PCCA: variants seen among roughly 807,000 people sequenced by gnomAD.
PCCA encodes propionyl-CoA carboxylase subunit alpha.
In PCCA, 74 loss-of-function variants were observed where a neutral mutation model predicts 101.3. The ratio of observed to expected loss-of-function variants is 0.73; its 90% CI spans 0.61 to 0.89. The LOEUF is 0.89. Among genes scored for constraint, PCCA ranks in the 40% least tolerant of loss-of-function variants. The pLI, the probability that PCCA is intolerant of heterozygous loss-of-function variation, is 0.00. For missense variants in PCCA, 891 were observed against 907.0 expected (o/e 0.98, Z 0.23); for synonymous variants, 294 against 313.6 (o/e 0.94, Z 0.66).
At chr13:100,269,296 G>T (rs758975108) in intron 11 of PCCA, among the ~76,000 whole-genome samples, 3 of 152,210 alleles carry the variant, frequency 2.0e-5, no homozygotes, top group South Asian at 2.1e-4. Context: ...ACTTGAAAAA[G>T]AAGTGGGTTT....
intron 6 of PCCA, among the ~76,000 whole-genome samples, chr13:100,168,879 A>G (rs931958360): frequency 6.6e-6 from 1 of 152,224 alleles, no homozygotes; most frequent in Non-Finnish European, 1.5e-5. Context: ...TCATTGTGTG[A>G]AATAAGCCTT....
At chr13:100,315,743 T>C (rs1436650535) in intron 16 of PCCA, among the ~76,000 whole-genome samples, 1 of 152,152 alleles carries the variant, frequency 6.6e-6, no homozygotes, top group Non-Finnish European at 1.5e-5. Context: ...TGTGGCCTGG[T>C]GGTGATTTCC....
intron 19 of PCCA, among the ~76,000 whole-genome samples, chr13:100,417,294 C>A (rs2078439248): frequency 6.6e-6 from 1 of 152,098 alleles, no homozygotes; most frequent in Non-Finnish European, 1.5e-5. Context: ...ATTTATAATG[C>A]CAATAGTTTA....
intron 22 of PCCA, 139 bp from the exon 23 acceptor site, chr13:100,527,536 G>A: frequency 2.8e-6 from 2 of 705,442 alleles, no homozygotes; most frequent in Admixed American, 2.0e-5. Flanking sequence ...CTTGGAATAG[G>A]AAACATTAGA....
chr13:100,478,178 C>A (rs2083572538), intron 21 of PCCA, among the ~76,000 whole-genome samples: 2 of 152,060 alleles, frequency 1.3e-5, no homozygotes, highest in South Asian at 4.1e-4. Flanking sequence ...GATTTTTTTT[C>A]CCCTTGATCC....
At chr13:100,444,351 C>A (rs2080607514) in intron 20 of PCCA, among the ~76,000 whole-genome samples, 1 of 151,030 alleles carries the variant, frequency 6.6e-6, no homozygotes, top group Non-Finnish European at 1.5e-5. Context: ...ATTACAGGTG[C>A]CACCACCACG....
chr13:100,243,253 T>G (rs1252764098), intron 8 of PCCA, among the ~76,000 whole-genome samples: 1 of 152,234 alleles, frequency 6.6e-6, no homozygotes, highest in African/African-American at 2.4e-5. Flanking sequence ...TTTCTAATAC[T>G]TAATGCTTGT....
At chr13:100,358,040 G>C (rs2074136736) in intron 18 of PCCA, among the ~76,000 whole-genome samples, 2 of 152,182 alleles carry the variant, frequency 1.3e-5, no homozygotes, top group African/African-American at 4.8e-5. Flanking sequence ...GTTGGAATCT[G>C]AATCTCATCA....
At chr13:100,101,542 C>G (rs7317761) in intron 1 of PCCA, among the ~76,000 whole-genome samples, 44,019 of 151,932 alleles carry the variant, frequency 0.29, 7,332 homozygotes, top group East Asian at 0.69. Flanking sequence ...TAAACTATAT[C>G]TTTTTGTATC....
At chr13:100,440,193 TATATATATATATATATAA>T (rs1297346174) in intron 20 of PCCA, among the ~76,000 whole-genome samples, 157 of 69,416 alleles carry the variant, frequency 2.3e-3, no homozygotes, top group African/African-American at 9.4e-3. Flanking sequence ...TATATATATA[TATATATATATATATATAA>T]AACGTGATAA....
At chr13:100,486,933 G>GC (rs1566435232) in intron 21 of PCCA, among the ~76,000 whole-genome samples, 1 of 152,150 alleles carries the variant, frequency 6.6e-6, no homozygotes, top group African/African-American at 2.4e-5. Context: ...AAAACAAAAA[G>GC]CCCCCACAAA....
chr13:100,174,402 T>G (rs1405495660), intron 6 of PCCA, among the ~76,000 whole-genome samples: 1 of 149,674 alleles, frequency 6.7e-6, no homozygotes, highest in Non-Finnish European at 1.5e-5. Context: ...AGTATAATAT[T>G]TGTTGTGGTA....
At chr13:100,245,552 T>C (rs1336879983) in intron 8 of PCCA, among the ~76,000 whole-genome samples, 1 of 152,212 alleles carries the variant, frequency 6.6e-6, no homozygotes, top group Non-Finnish European at 1.5e-5. Flanking sequence ...GCTATCCTTA[T>C]TCAGTGGCTA....
chr13:100,214,309 A>T (rs187727315), intron 7 of PCCA, among the ~76,000 whole-genome samples: 3 of 152,152 alleles, frequency 2.0e-5, no homozygotes, highest in African/African-American at 7.2e-5. Context: ...TTTAGGTAGT[A>T]TGGACATTTT....
chr13:100,124,450 T>A (rs2049748896), intron 4 of PCCA, among the ~76,000 whole-genome samples: 1 of 152,186 alleles, frequency 6.6e-6, no homozygotes, highest in Admixed American at 6.5e-5. Context: ...GAAAGGATGA[T>A]CCCTGGTGCG....
chr13:100,130,390 T>G (rs945200604), intron 4 of PCCA, among the ~76,000 whole-genome samples: 2 of 152,164 alleles, frequency 1.3e-5, no homozygotes, highest in Non-Finnish European at 2.9e-5. Context: ...TATATCTGAG[T>G]CATTCATCTG....
At chr13:100,335,698 C>T (rs1199940061) in intron 17 of PCCA, among the ~76,000 whole-genome samples, 1 of 152,164 alleles carries the variant, frequency 6.6e-6, no homozygotes, top group African/African-American at 2.4e-5. Flanking sequence ...ATCGAGGGAA[C>T]ATGGACATAA....
At chr13:100,227,579 T>G (rs1483394079) in intron 7 of PCCA, among the ~76,000 whole-genome samples, 1 of 152,182 alleles carries the variant, frequency 6.6e-6, no homozygotes, top group Non-Finnish European at 1.5e-5. Flanking sequence ...ACTGGTTTGC[T>G]TGGTTTCTTT....
At chr13:100,514,782 T>A (rs1351303322) in intron 21 of PCCA, among the ~76,000 whole-genome samples, 1 of 152,238 alleles carries the variant, frequency 6.6e-6, no homozygotes, top group African/African-American at 2.4e-5. Flanking sequence ...GCAGAAGGCT[T>A]TCTCATTATC....
Sources: gnomAD v4.1 joint callset for allele counts (sites outside exome capture counted in the v4.1 genomes callset) on GRCh38, gnomAD v4.1.1 for gene constraint, MANE v1.5 for transcripts, NCBI Gene and HGNC (gene_info 2026-07-23, HGNC 2026-07-21) for gene names.